SUPT3H: variants seen among roughly 807,000 people sequenced by gnomAD.
SUPT3H encodes transcription initiation protein SPT3 homolog.
A neutral mutation model predicts 44.3 loss-of-function variants in SUPT3H; 44 were observed. That is an observed-to-expected ratio of 0.99 (90% CI 0.78 to 1.28). The LOEUF (loss-of-function observed/expected upper bound fraction) is 1.28, where lower values mean the gene tolerates loss of function less well. Among genes scored for constraint, SUPT3H ranks in the 50% most tolerant of loss-of-function variants. The probability of loss-of-function intolerance (pLI) is 0.00; values close to 1 mark genes in which losing one functional copy is unlikely to be tolerated. For missense variants in SUPT3H, 380 were observed against 387.1 expected (o/e 0.98, Z 0.15); for synonymous variants, 124 against 125.6 (o/e 0.99, Z 0.09).
intron 8 of SUPT3H, among the ~76,000 whole-genome samples, chr6:44,953,751 A>C (rs571673723): frequency 1.1e-4 from 16 of 152,144 alleles, no homozygotes; most frequent in South Asian, 6.2e-4. Flanking sequence ...TAATTTTTGA[A>C]ATGGAGTTTC....
chr6:44,923,744 C>T (rs764080467), intron 10 of SUPT3H, among the ~76,000 whole-genome samples: 1 of 151,636 alleles, frequency 6.6e-6, no homozygotes, highest in Non-Finnish European at 1.5e-5. Context: ...TACTGGCTGC[C>T]CCAAGGTAAG....
At chr6:45,188,907 T>A (rs969258826) in intron 2 of SUPT3H, among the ~76,000 whole-genome samples, 5 of 152,212 alleles carry the variant, frequency 3.3e-5, no homozygotes, top group African/African-American at 1.2e-4. Flanking sequence ...ATTCATTGTA[T>A]AATAAACCTT....
At chr6:45,116,798 G>A (rs768344929) in intron 2 of SUPT3H, among the ~76,000 whole-genome samples, 1 of 151,952 alleles carries the variant, frequency 6.6e-6, no homozygotes, top group Non-Finnish European at 1.5e-5. Flanking sequence ...AAATTTACAG[G>A]GTTTTACCAT....
chr6:44,960,438 A>G (rs531374837), intron 7 of SUPT3H, among the ~76,000 whole-genome samples: 3 of 150,746 alleles, frequency 2.0e-5, no homozygotes, highest in African/African-American at 7.3e-5. Context: ...AAAAAAAAGA[A>G]CAAAAGCAAA....
chr6:45,084,356 G>T (rs1185779047), intron 3 of SUPT3H, among the ~76,000 whole-genome samples: 1 of 152,084 alleles, frequency 6.6e-6, no homozygotes. Context: ...CTTCTGAAAA[G>T]AAAACATACA....
intron 2 of SUPT3H, among the ~76,000 whole-genome samples, chr6:45,257,729 C>T (rs1022359035): frequency 1.3e-5 from 2 of 152,126 alleles, no homozygotes; most frequent in African/African-American, 4.8e-5. Flanking sequence ...GGGAGCCAAA[C>T]TCACCCTTTT....
At chr6:45,205,160 A>G (rs1196082886) in intron 2 of SUPT3H, among the ~76,000 whole-genome samples, 1 of 152,198 alleles carries the variant, frequency 6.6e-6, no homozygotes, top group Admixed American at 6.5e-5. Flanking sequence ...TCAACCTATT[A>G]GATTTCCTTC....
At chr6:44,833,560 C>T (rs748818889) in intron 10 of SUPT3H, among the ~76,000 whole-genome samples, 12 of 152,002 alleles carry the variant, frequency 7.9e-5, no homozygotes, top group Admixed American at 4.6e-4. Flanking sequence ...CTTACACTTT[C>T]GAAAGGCATG....
At chr6:44,937,225 C>T (rs1034405973) in intron 9 of SUPT3H, among the ~76,000 whole-genome samples, 1 of 152,018 alleles carries the variant, frequency 6.6e-6, no homozygotes, top group Non-Finnish European at 1.5e-5. Flanking sequence ...GGCGCAGTGG[C>T]TCATGCCTGT....
At chr6:45,194,561 A>G (rs1413960157) in intron 2 of SUPT3H, among the ~76,000 whole-genome samples, 7 of 152,162 alleles carry the variant, frequency 4.6e-5, no homozygotes, top group Admixed American at 4.6e-4. Context: ...GGTTGAAGTA[A>G]AAATGATTTA....
Position 44,860,658 on chromosome 6 carries a change from C to A in SUPT3H, c.913-30801G>T, listed in dbSNP as rs553545719. 2.0e-5 allele frequency among the ~76,000 whole-genome samples: 3 copies of A among 152,230 alleles called. No homozygotes were observed. The South Asian group carries it at 6.2e-4, about 32-fold the overall frequency. On this transcript the variant is annotated intron_variant, in intron 10 of 10. Transcript: ENST00000371459. ...ACTAGGACTTAATGGCAAGTGATTT[C>A]ATTAACAACAAGAGGCTGTAACAAA...
chr6:44,944,762 C>CAAAAAGAAAAAAAAAAAA (rs1773034486), intron 9 of SUPT3H, among the ~76,000 whole-genome samples: 1 of 29,898 alleles, frequency 3.3e-5, no homozygotes, highest in Non-Finnish European at 8.7e-5. Flanking sequence ...ACCCTCTCTC[C>CAAAAAGAAAAAAAAAAAA]AAAAAAAAAA....
intron 6 of SUPT3H, among the ~76,000 whole-genome samples, chr6:44,971,579 GC>G (rs1228921142): frequency 2.0e-5 from 3 of 152,048 alleles, no homozygotes; most frequent in Admixed American, 2.0e-4. Context: ...GGGGGTAACT[GC>G]CCCCCATGAT....
rs147719057 is a variant in SUPT3H at position 45,107,507 on chromosome 6, G to C, written c.102-1501C>G. On this transcript the variant is annotated intron_variant, in intron 2 of 10. Transcript: ENST00000371459. ...CCTACCTCACCCGAAGCTTTGAGTAGGAGAGGAAAAAAATCTTCCCTAAGA... is the reference window on the plus strand; with the variant it reads ...CCTACCTCACCCGAAGCTTTGAGTACGAGAGGAAAAAAATCTTCCCTAAGA... Among the ~76,000 whole-genome samples, 324 of 152,146 alleles carry C rather than the reference G, an allele frequency of 2.1e-3. 1 individual carries two copies. The highest frequency in any genetic ancestry group is 7.5e-3 in the African/African-American group (310 of 41,494).
At chr6:44,849,372 G>A (rs908111950) in intron 10 of SUPT3H, among the ~76,000 whole-genome samples, 1 of 149,746 alleles carries the variant, frequency 6.7e-6, no homozygotes, top group South Asian at 2.1e-4. Flanking sequence ...GACTACAGGC[G>A]CCCGCCACTA....
intron 2 of SUPT3H, among the ~76,000 whole-genome samples, chr6:45,145,358 A>C (rs570033017): frequency 5.1e-4 from 77 of 152,292 alleles, no homozygotes; most frequent in Admixed American, 1.4e-3. Context: ...CTCAGAAATA[A>C]AGCCAAATAT....
chr6:44,820,460 C>T (rs561520654), intron 11 of SUPT3H, among the ~76,000 whole-genome samples: 70 of 152,084 alleles, frequency 4.6e-4, no homozygotes, highest in African/African-American at 1.5e-3. Context: ...ATGAAGATGA[C>T]GAGCCAGGAC....
At chr6:45,144,531 A>C (rs1384804797) in intron 2 of SUPT3H, among the ~76,000 whole-genome samples, 1 of 152,194 alleles carries the variant, frequency 6.6e-6, no homozygotes. Context: ...ATCTATGACA[A>C]ATGTACAGCC....
chr6:44,864,774 C>T (rs749334425), intron 10 of SUPT3H, among the ~76,000 whole-genome samples: 5 of 152,214 alleles, frequency 3.3e-5, no homozygotes, highest in Non-Finnish European at 5.9e-5. Flanking sequence ...TTCTCCTAGG[C>T]CTCCGGGCCA....
Sources: gnomAD v4.1 joint callset for allele counts (sites outside exome capture counted in the v4.1 genomes callset) on GRCh38, gnomAD v4.1.1 for gene constraint, MANE v1.5 for transcripts, NCBI Gene and HGNC (gene_info 2026-07-23, HGNC 2026-07-21) for gene names.